FGF14: variants seen among roughly 807,000 people sequenced by gnomAD.
FGF14 encodes fibroblast growth factor homologous factor 4.
A neutral mutation model predicts 25.5 loss-of-function variants in FGF14; 5 were observed. The ratio of observed to expected loss-of-function variants is 0.20; its 90% confidence interval spans 0.10 to 0.41. The LOEUF (loss-of-function observed/expected upper bound fraction) is 0.41. Ranked by LOEUF, FGF14 falls within the 10% of genes least tolerant of loss-of-function variation. The probability of loss-of-function intolerance (pLI) is 1.00; values close to 1 mark genes in which losing one functional copy is unlikely to be tolerated. For synonymous variants in FGF14, 138 were observed against 118.3 expected, an observed-to-expected ratio of 1.17 and a Z score of -1.08; for missense variants, 222 against 320.1, an observed-to-expected ratio of 0.69 and a Z score of 2.34.
chr13:101,767,894 AT>A (rs1388604837), intron 3 of FGF14, among the ~76,000 whole-genome samples: 3 of 152,138 alleles, frequency 2.0e-5, no homozygotes, highest in Non-Finnish European at 2.9e-5. Context: ...TTTGAATTTA[AT>A]TTTTTTATAC....
At chr13:102,056,843 A>G (rs2042452715) in intron 1 of FGF14, among the ~76,000 whole-genome samples, 1 of 149,932 alleles carries the variant, frequency 6.7e-6, no homozygotes, top group African/African-American at 2.4e-5. Flanking sequence ...AATTCTTAAA[A>G]TAATTTCAAT....
chr13:101,878,955 T>C (rs75064568), intron 1 of FGF14, among the ~76,000 whole-genome samples: 1 of 84,692 alleles, frequency 1.2e-5, no homozygotes, highest in Non-Finnish European at 2.4e-5. Context: ...GGCCTACAAG[T>C]ATTTTTGTTT....
At position 102,172,163 on chromosome 13, in the gene FGF14, C is replaced by A. The variant is rs939528828; in HGVS notation, c.208+229308G>T. On this transcript the variant is annotated intron_variant, in intron 1 of 4. Coordinates refer to the FGF14 transcript ENST00000376131. ...CTTTTAAACTTAAACCTGTATGTTT[C>A]TAGGACATACCATAAAATACTGATA... Among the ~76,000 whole-genome samples, 14 of 151,842 alleles carry A rather than the reference C, an allele frequency of 9.2e-5. No homozygotes were observed. In the South Asian group the frequency reaches 2.7e-3, roughly 29 times the overall value.
intron 3 of FGF14, among the ~76,000 whole-genome samples, chr13:101,793,237 T>C (rs2040340847): frequency 6.6e-6 from 1 of 152,166 alleles, no homozygotes; most frequent in Non-Finnish European, 1.5e-5. Flanking sequence ...GCAATTGTTT[T>C]ACATTCCACA....
intron 1 of FGF14, among the ~76,000 whole-genome samples, chr13:102,170,142 T>G (rs1169834430): frequency 6.6e-6 from 1 of 152,082 alleles, no homozygotes; most frequent in Non-Finnish European, 1.5e-5. Flanking sequence ...GCTTACAGTC[T>G]TCCAGCGTGG....
chr13:102,129,326 A>G (rs1269498718), intron 1 of FGF14, among the ~76,000 whole-genome samples: 2 of 152,204 alleles, frequency 1.3e-5, no homozygotes, highest in Non-Finnish European at 2.9e-5. Flanking sequence ...TGAACTGATT[A>G]CTGAGGACAT....
intron 1 of FGF14, among the ~76,000 whole-genome samples, chr13:102,295,438 T>C (rs1415380188): frequency 6.6e-6 from 1 of 152,184 alleles, no homozygotes; most frequent in Non-Finnish European, 1.5e-5. Flanking sequence ...GTTTTTTTCT[T>C]GTCCTTTGAC....
chr13:102,106,483 A>T (rs928915521), intron 1 of FGF14, among the ~76,000 whole-genome samples: 5 of 150,324 alleles, frequency 3.3e-5, no homozygotes, highest in African/African-American at 1.2e-4. Context: ...CTGAGGCAGG[A>T]GAATTGCTTG....
chr13:102,293,214 T>C (rs531218093), intron 1 of FGF14: 1 of 152,340 alleles, frequency 6.6e-6, no homozygotes, highest in Admixed American at 6.5e-5. Flanking sequence ...ATGAAGGCTC[T>C]CTCTTCCTTG....
intron 1 of FGF14, among the ~76,000 whole-genome samples, chr13:102,107,177 T>C (rs114278559): frequency 6.6e-6 from 1 of 152,076 alleles, no homozygotes; most frequent in Non-Finnish European, 1.5e-5. Flanking sequence ...CCTATTTTTT[T>C]AAAAAAACGA....
At position 101,916,667 on chromosome 13, in the gene FGF14, G is replaced by C. The variant is rs750943809; in HGVS notation, c.-22C>G. ...CCATGGTGGCCCCGGGAACGGGTCC[G>C]GGGAGGGAGGGCGCGGGAGGACGGC... On this transcript the variant is annotated 5_prime_UTR_variant, in exon 1 of 5. Coordinates refer to ENST00000376143, the MANE Select transcript of FGF14 (RefSeq NM_004115.4). The C allele has an allele frequency of 6.7e-7, 1 of 1,498,348 alleles. No homozygotes were observed. The highest frequency in any genetic ancestry group is 1.4e-5 in the African/African-American group (1 of 71,510). 92.8% of individuals were successfully genotyped at this position (1,498,348 alleles called of 1,614,324 possible).
intron 1 of FGF14, among the ~76,000 whole-genome samples, chr13:102,165,260 T>C (rs912254900): frequency 1.3e-5 from 2 of 152,042 alleles, no homozygotes; most frequent in African/African-American, 4.8e-5. Flanking sequence ...AGTGTGGCGA[T>C]TCCTCAGGGA....
intron 1 of FGF14, among the ~76,000 whole-genome samples, chr13:102,222,049 C>T (rs2050636655): frequency 6.6e-6 from 1 of 152,118 alleles, no homozygotes; most frequent in Admixed American, 6.6e-5. Context: ...TATTATGAAA[C>T]TTATTATACA....
intron 1 of FGF14, among the ~76,000 whole-genome samples, chr13:102,242,160 T>C (rs775079328): frequency 2.0e-5 from 3 of 152,148 alleles, no homozygotes; most frequent in Non-Finnish European, 4.4e-5. Context: ...ACTGTATGAA[T>C]AAGTTATTAG....
chr13:101,918,770 G>A (rs1440627078), upstream of FGF14, among the ~76,000 whole-genome samples: 3 of 152,238 alleles, frequency 2.0e-5, no homozygotes, highest in Non-Finnish European at 4.4e-5. Flanking sequence ...CCTGATGAGA[G>A]TGTGTAGATT....
chr13:102,245,184 T>C (rs1466831796), intron 1 of FGF14, among the ~76,000 whole-genome samples: 1 of 152,050 alleles, frequency 6.6e-6, no homozygotes, highest in African/African-American at 2.4e-5. Flanking sequence ...TGCAGTCATA[T>C]CTATACAAAG....
At chr13:101,963,307 C>T (rs981416479) in intron 1 of FGF14, among the ~76,000 whole-genome samples, 1 of 152,136 alleles carries the variant, frequency 6.6e-6, no homozygotes, top group Non-Finnish European at 1.5e-5. Flanking sequence ...CCCACCCTTT[C>T]TTCTTTCTTT....
intron 1 of FGF14, among the ~76,000 whole-genome samples, chr13:102,244,993 T>C (rs149660095): frequency 6.6e-6 from 1 of 152,122 alleles, no homozygotes; most frequent in Admixed American, 6.6e-5. Flanking sequence ...ACTAACTACC[T>C]CTAATCAACA....
At chr13:101,902,872 G>A (rs893265865) in intron 1 of FGF14, among the ~76,000 whole-genome samples, 5 of 152,212 alleles carry the variant, frequency 3.3e-5, no homozygotes, top group Admixed American at 2.6e-4. Context: ...AATAGCTTTA[G>A]TTCTATGTTT....
Sources: gnomAD v4.1 joint callset for allele counts (sites outside exome capture counted in the v4.1 genomes callset) on GRCh38, gnomAD v4.1.1 for gene constraint, MANE v1.5 for transcripts, NCBI Gene and HGNC (gene_info 2026-07-23, HGNC 2026-07-21) for gene names.